KIF23: variants seen among roughly 807,000 people sequenced by gnomAD.
The protein encoded by KIF23 is kinesin-like protein KIF23.
Under a neutral mutation model 137.5 loss-of-function variants are expected in KIF23, and 30 were observed. The ratio of observed to expected loss-of-function variants is 0.22; its 90% CI spans 0.16 to 0.30. KIF23 has a LOEUF of 0.30. Ranked by LOEUF, KIF23 falls within the 10% of genes least tolerant of loss-of-function variation. KIF23 has a pLI of 1.00. For synonymous variants in KIF23, 367 were observed against 391.1 expected, an observed-to-expected ratio of 0.94 and a Z score of 0.73; for missense variants, 920 against 1,194.3, an observed-to-expected ratio of 0.77 and a Z score of 3.38.
Position 69,440,103 on chromosome 15 carries a change from T to G in KIF23, c.1929+26T>G, listed in dbSNP as rs780152942. On this transcript the variant is annotated intron_variant, in intron 17 of 23. Transcript: ENST00000679126. ...GTGAGTATCGTTTGGGTAGTGCTTG[T>G]CTCAGAGTCGGATGATTTATTTTAC... 9 of 1,601,156 alleles carry G rather than the reference T, an allele frequency of 5.6e-6. No individual in the cohort carries two copies. In the South Asian group the frequency reaches 1.0e-4, roughly 18 times the overall value.
chr15:69,417,780 T>C (rs905364096), intron 3 of KIF23, among the ~76,000 whole-genome samples: 2 of 152,222 alleles, frequency 1.3e-5, no homozygotes, highest in Non-Finnish European at 2.9e-5. Context: ...GATGATTTAA[T>C]GTGGAATGAT....
chr15:69,423,024 C>A, intron 6 of KIF23, 135 bp from the exon 7 acceptor site: 1 of 608,236 alleles, frequency 1.6e-6, no homozygotes, highest in East Asian at 3.2e-5. Context: ...GTCTTGAGTT[C>A]CTGATCTCAG....
chr15:69,421,585 A>T, intron 3 of KIF23, 62 bp from the exon 4 acceptor site: 1 of 973,080 alleles, frequency 1.0e-6, no homozygotes, highest in Non-Finnish European at 1.6e-6. Flanking sequence ...GTTTAAGGAG[A>T]TGTATTTTTA....
At chr15:69,422,291 G>T in intron 5 of KIF23, 35 bp from the exon 6 acceptor site, 1 of 1,441,662 alleles carries the variant, frequency 6.9e-7, no homozygotes, top group Non-Finnish European at 9.6e-7. Flanking sequence ...TCTAAAAAAC[G>T]TGGTGTGATT....
chr15:69,433,944 T>C (rs1333811390), intron 11 of KIF23, among the ~76,000 whole-genome samples: 1 of 152,218 alleles, frequency 6.6e-6, no homozygotes, highest in Non-Finnish European at 1.5e-5. Flanking sequence ...CACATTTCCC[T>C]GATAAGAATC....
intron 21 of KIF23, 55 bp downstream of exon 21, chr15:69,446,146 A>T: frequency 6.7e-7 from 1 of 1,498,620 alleles, no homozygotes; most frequent in Non-Finnish European, 9.3e-7. Flanking sequence ...TTAGCTGCTC[A>T]TTTTGGAGGA....
intron 15 of KIF23, among the ~76,000 whole-genome samples, chr15:69,437,649 C>T (rs573361314): frequency 5.2e-4 from 79 of 151,834 alleles, no homozygotes; most frequent in South Asian, 5.2e-3. Context: ...TTAGTAGAGA[C>T]GGGGTTTCAC....
At position 69,436,721 on chromosome 15, in the gene KIF23, A is replaced by G; in HGVS notation, c.1596A>G (p.Gln532=). 1 of 1,522,068 alleles carries G rather than the reference A, an allele frequency of 6.6e-7. No individual in the cohort carries two copies. The highest frequency in any genetic ancestry group is 2.3e-5 in the East Asian group (1 of 42,962). 94.3% of individuals were successfully genotyped at this position (1,522,068 alleles called of 1,614,324 possible). ...RQMMIDEFNK[Q]SNAFKALLQE... ...TGATGATTGATGAGTTTAACAAACA[A>G]TGTAAGGGCAAAACTATTTGAAATA... is the stretch of plus-strand genomic sequence containing the variant. Residue 532 remains glutamine, a splice_region_variant and synonymous_variant, in exon 15 of 24, where the codon CAA becomes CAG. Coordinates refer to ENST00000679126, the MANE Select transcript of KIF23 (RefSeq NM_001367805.3).
chr15:69,415,217 G>A (rs2056868664), intron 1 of KIF23, among the ~76,000 whole-genome samples: 1 of 152,000 alleles, frequency 6.6e-6, no homozygotes, highest in Non-Finnish European at 1.5e-5. Flanking sequence ...AAAATCTTTA[G>A]ATGAAAAAAA....
At chr15:69,427,213 A>G (rs1173470976) in intron 10 of KIF23, among the ~76,000 whole-genome samples, 2 of 152,246 alleles carry the variant, frequency 1.3e-5, no homozygotes, top group Non-Finnish European at 2.9e-5. Flanking sequence ...TGAAAATACT[A>G]CACCATTTTA....
chr15:69,419,335 G>A (rs1330870217), intron 3 of KIF23, among the ~76,000 whole-genome samples: 1 of 152,132 alleles, frequency 6.6e-6, no homozygotes, highest in Non-Finnish European at 1.5e-5. Context: ...TCATTTTCCT[G>A]TTCAAAACCT....
chr15:69,445,084 A>G (rs2057711786), intron 20 of KIF23, 43 bp downstream of exon 20: 1 of 1,550,030 alleles, frequency 6.5e-7, no homozygotes, highest in African/African-American at 1.4e-5. Flanking sequence ...ATATTTAAAA[A>G]TTCAACAAAA....
chr15:69,446,930 C>T lies in KIF23; in HGVS notation c.2898C>T (p.His966=), dbSNP rs146343326. The change falls in exon 23 of 24, where the codon CAC becomes CAT. Residue 966 remains histidine, a synonymous_variant. Coordinates refer to ENST00000679126, the MANE Select transcript of KIF23 (RefSeq NM_001367805.3). ...AGCTGGGACCTGGATATCAGCATCA[C>T]GCACAACCCAAGTGAGTACTGACTG... ...GSQLGPGYQH[H]AQPKRKKP The T allele has an allele frequency of 1.4e-3, 2,198 of 1,614,098 alleles. 37 individuals are homozygous for T. The South Asian group carries it at 0.023, about 17-fold the overall frequency.
chr15:69,436,517 C>A, intron 14 of KIF23, 47 bp from the exon 15 acceptor site: 1 of 1,514,482 alleles, frequency 6.6e-7, no homozygotes, highest in Non-Finnish European at 9.0e-7. Context: ...TAAATAAGCT[C>A]TTTCTCTCCT....
At chr15:69,426,626 C>A in intron 10 of KIF23, 169 bp downstream of exon 10, 1 of 658,020 alleles carries the variant, frequency 1.5e-6, no homozygotes, top group Non-Finnish European at 2.6e-6. Flanking sequence ...GTACCTGAGG[C>A]AGGAGGATCG....
chr15:69,431,154 T>C (rs907635373), intron 11 of KIF23, among the ~76,000 whole-genome samples: 2 of 152,100 alleles, frequency 1.3e-5, no homozygotes, highest in Non-Finnish European at 1.5e-5. Context: ...AGGAGGTGTT[T>C]GATTGAGGAG....
At chr15:69,422,517 G>A in intron 6 of KIF23, 82 bp downstream of exon 6, 2 of 774,710 alleles carry the variant, frequency 2.6e-6, no homozygotes, top group Non-Finnish European at 4.5e-6. Flanking sequence ...GAGGAATGGT[G>A]AACATTAAAT....
chr15:69,421,858 A>G, intron 4 of KIF23, 106 bp downstream of exon 4: 1 of 1,294,972 alleles, frequency 7.7e-7, no homozygotes, highest in East Asian at 2.4e-5. Context: ...TTGAATCCAT[A>G]TTTAATTTGT....
chr15:69,446,753 C>A, intron 22 of KIF23, 118 bp from the exon 23 acceptor site: 1 of 914,430 alleles, frequency 1.1e-6, no homozygotes, highest in East Asian at 2.4e-5. Context: ...ACGTAAGAGT[C>A]TTTGCTGAAC....
Sources: allele counts gnomAD v4.1 joint callset (sites outside exome capture counted in the v4.1 genomes callset), GRCh38; gene constraint gnomAD v4.1.1; transcripts MANE v1.5; gene names NCBI Gene and HGNC (gene_info 2026-07-23, HGNC 2026-07-21).